Variants in RFTN1 observed in about 807,000 individuals in gnomAD.
RFTN1 encodes the protein raftlin.
In RFTN1, 26 loss-of-function variants were observed where a neutral mutation model predicts 46.5. The ratio of observed to expected loss-of-function variants is 0.56; its 90% confidence interval spans 0.41 to 0.78. The LOEUF (loss-of-function observed/expected upper bound fraction) is 0.78, where lower values mean the gene tolerates loss of function less well. RFTN1 is among the 30% of genes least tolerant of loss of function. The probability of loss-of-function intolerance (pLI) is 0.00; values close to 1 mark genes in which losing one functional copy is unlikely to be tolerated. For synonymous variants in RFTN1, 261 were observed against 284.2 expected (o/e 0.92, Z 0.82); for missense variants, 693 against 718.7 (o/e 0.96, Z 0.41).
At chr3:16,328,077 A>G (rs564501883) in intron 7 of RFTN1, among the ~76,000 whole-genome samples, 60 of 152,370 alleles carry the variant, frequency 3.9e-4, no homozygotes, top group African/African-American at 1.3e-3. Context: ...TGATGGGTGC[A>G]AAGGCACAGC....
Position 16,387,816 on chromosome 3 carries a change from G to T in RFTN1, c.442-9714C>A, listed in dbSNP as rs945608679. On this transcript the variant is annotated intron_variant, in intron 4 of 9. Transcript: ENST00000334133. This position sits in a 1 kb window ranked among gnomAD's most constrained non-coding sequence, Gnocchi z 5.2. ...ACAGCCCTCCTGTCACCTCCATGAC[G>T]CCAAATCCCACAGGCTTTTTAGCCC... 6.6e-6 allele frequency among the ~76,000 whole-genome samples: 1 copy of T among 151,662 alleles called. No homozygotes were observed.
At chr3:16,323,967 G>A (rs917466937) in intron 8 of RFTN1, among the ~76,000 whole-genome samples, 22 of 152,204 alleles carry the variant, frequency 1.4e-4, no homozygotes, top group African/African-American at 5.3e-4. Context: ...CTGCAAGGCA[G>A]TGCCTGTTAA....
Position 16,410,457 on chromosome 3 carries a change from C to A in RFTN1, c.333-974G>T, listed in dbSNP as rs1304781599. Among the ~76,000 whole-genome samples, 1 of 151,914 alleles carries A rather than the reference C, an allele frequency of 6.6e-6. No homozygotes were observed. Among genetic ancestry groups the A allele is most frequent in the Non-Finnish European group, 1.5e-5 (1 of 67,994 alleles). The stretch of plus-strand genomic sequence containing the variant: ...GATCAAAAGTGAATTTAGCCATAAT[C>A]CCTAATTGTTTTCATTTTTAAATGA... On this transcript the variant is annotated intron_variant, in intron 3 of 9. Coordinates refer to ENST00000334133, the MANE Select transcript of RFTN1 (RefSeq NM_015150.2). The surrounding 1 kb of genome is among the most constrained non-coding windows in gnomAD (Gnocchi z 4.6).
Position 16,334,080 on chromosome 3 carries a change from G to A in RFTN1, c.1147-7204C>T, listed in dbSNP as rs1212057512. Among the ~76,000 whole-genome samples the A allele has an allele frequency of 1.3e-5, 2 of 152,164 alleles. No individual in the cohort carries two copies. Among genetic ancestry groups the A allele is most frequent in the African/African-American group, 4.8e-5 (2 of 41,446 alleles). On this transcript the variant is annotated intron_variant, in intron 7 of 9. Coordinates refer to ENST00000334133, the MANE Select transcript of RFTN1 (RefSeq NM_015150.2). This position sits in a 1 kb window ranked among gnomAD's most constrained non-coding sequence, Gnocchi z 4.3. ...CTTGGGAGGCTGAGGCAGGAGAATG[G>A]CTTGAACCTAGGAGGCAGAAGCTGC...
At chr3:16,398,765 A>T (rs901369296) in intron 4 of RFTN1, among the ~76,000 whole-genome samples, 10 of 152,194 alleles carry the variant, frequency 6.6e-5, no homozygotes, top group African/African-American at 2.4e-4. Context: ...GGGTGGCTGG[A>T]AAGTCACCTT....
chr3:16,396,955 C>T (rs690636), intron 4 of RFTN1, among the ~76,000 whole-genome samples: 50,697 of 151,230 alleles, frequency 0.34, 8,876 homozygotes, highest in South Asian at 0.44. Context: ...CCCAGCTACT[C>T]GGGAGGCTGA....
In RFTN1 at chr3:16,513,424, G is replaced by GC. The variant is rs374132947; in HGVS notation, c.-9+17dup. 948 of 151,690 alleles carry GC rather than the reference G, an allele frequency of 6.2e-3. 13 individuals are homozygous for GC. The highest frequency in any genetic ancestry group is 0.019 in the African/African-American group (803 of 41,440). 9.4% of individuals were successfully genotyped at this position (151,690 alleles called of 1,614,324 possible). On this transcript the variant is annotated intron_variant, in intron 1 of 9. Transcript: ENST00000334133. This position sits in a 1 kb window ranked among gnomAD's most constrained non-coding sequence, Gnocchi z 5.4. Reference sequence around the variant, plus strand: ...CGGTCGACACCCCAAGCCCTGTCGCGCCCCCCCCGCCGCCTACCGTATGGG... The same window carrying GC: ...CGGTCGACACCCCAAGCCCTGTCGCGCCCCCCCCCGCCGCCTACCGTATGGG...
At chr3:16,497,102 C>T (rs761105205) in intron 1 of RFTN1, among the ~76,000 whole-genome samples, 11 of 152,124 alleles carry the variant, frequency 7.2e-5, no homozygotes, top group Non-Finnish European at 1.3e-4. Flanking sequence ...GATGAGGGGG[C>T]TTCTAGGGTA....
At chr3:16,430,112 TTTG>T (rs2075356491) in intron 3 of RFTN1, among the ~76,000 whole-genome samples, 1 of 152,118 alleles carries the variant, frequency 6.6e-6, no homozygotes, top group South Asian at 2.1e-4. Context: ...CCGTTTTTTT[TTTG>T]TTGTTGTTGT....
intron 7 of RFTN1, among the ~76,000 whole-genome samples, chr3:16,333,266 G>A (rs1030997866): frequency 6.6e-6 from 1 of 152,232 alleles, no homozygotes; most frequent in East Asian, 1.9e-4. Context: ...CTTGCTTTTA[G>A]TATGAACATT....
At position 16,424,688 on chromosome 3, in the gene RFTN1, A is replaced by G. The variant is rs999104954; in HGVS notation, c.332+9163T>C. On this transcript the variant is annotated intron_variant, in intron 3 of 9. Transcript: ENST00000334133. This position sits in a 1 kb window ranked among gnomAD's most constrained non-coding sequence, Gnocchi z 4.7. ...TTTCATATACTTATAGCATCTTTAT[A>G]GCATTTACCTCTTTGTAAATGGTTC... is the stretch of plus-strand genomic sequence containing the variant. 1.3e-5 allele frequency among the ~76,000 whole-genome samples: 2 copies of G among 152,360 alleles called. No homozygotes were observed. The highest frequency in any genetic ancestry group is 4.8e-5 in the African/African-American group (2 of 41,594).
intron 4 of RFTN1, among the ~76,000 whole-genome samples, chr3:16,394,591 T>A (rs752051173): frequency 2.6e-5 from 4 of 152,288 alleles, no homozygotes; most frequent in Non-Finnish European, 5.9e-5. Context: ...CAGGAAGGGT[T>A]CAGGCTGTTG....
chr3:16,373,857 G>A (rs2073628960), intron 5 of RFTN1, among the ~76,000 whole-genome samples: 1 of 152,166 alleles, frequency 6.6e-6, no homozygotes, highest in Non-Finnish European at 1.5e-5. Flanking sequence ...GGAGGCAGTG[G>A]GCACCATGGT....
In RFTN1 at chr3:16,358,005, G is replaced by A. The variant is rs769491827; in HGVS notation, c.1073C>T (p.Ala358Val). 1 of 1,595,540 alleles carries A rather than the reference G, an allele frequency of 6.3e-7. No individual in the cohort carries two copies. Among genetic ancestry groups the A allele is most frequent in the South Asian group, 1.1e-5 (1 of 90,798 alleles). Residue 358 changes from alanine to valine, a missense_variant, in exon 7 of 10, where the codon GCT (alanine) becomes GTT (valine). Physicochemically the swap from Ala to Val is moderately conservative, Grantham distance 64. Coordinates refer to ENST00000334133, the MANE Select transcript of RFTN1 (RefSeq NM_015150.2). Reference sequence around the variant, plus strand: ...GGTTTTGCTATCTTCTGTGGAAACAGCTTCAAAGATGAATACTCCATCTGT... The same window carrying A: ...GGTTTTGCTATCTTCTGTGGAAACAACTTCAAAGATGAATACTCCATCTGT... ...GLTDGVFIFEAVSTEDSKTIQ... is the reference protein window; with the variant it reads ...GLTDGVFIFEVVSTEDSKTIQ...
intron 7 of RFTN1, among the ~76,000 whole-genome samples, chr3:16,333,911 A>C (rs2070586592): frequency 1.3e-5 from 2 of 152,108 alleles, no homozygotes; most frequent in Non-Finnish European, 2.9e-5. Flanking sequence ...CACGCCTGTA[A>C]TCCCAGCACT....
chr3:16,324,619 C>CCT lies in RFTN1; in HGVS notation c.1251-1163_1251-1162insAG, dbSNP rs1479585637. On this transcript the variant is annotated intron_variant, in intron 8 of 9. Coordinates refer to ENST00000334133, the MANE Select transcript of RFTN1 (RefSeq NM_015150.2). ...AAATAACAGAATGTCCCTGACCCCCCCCCTTTTAAGGTTGCATAGTATTCC... is the reference window on the plus strand; with the variant it reads ...AAATAACAGAATGTCCCTGACCCCCCCTCCCTTTTAAGGTTGCATAGTATTCC... 1.4e-5 allele frequency among the ~76,000 whole-genome samples: 2 copies of CCT among 142,488 alleles called. 1 individual carries two copies. Among genetic ancestry groups the CCT allele is most frequent in the South Asian group, 4.5e-4 (2 of 4,410 alleles). 93.5% of individuals were successfully genotyped at this position (142,488 alleles called of 152,430 possible).
chr3:16,400,510 G>A lies in RFTN1; in HGVS notation c.441+8865C>T, dbSNP rs938737. The stretch of plus-strand genomic sequence containing the variant: ...AGACTCTAAGTTTCACGTGTCCAGG[G>A]CATTACCTAGACCGGCTTACTAAAG... On this transcript the variant is annotated intron_variant, in intron 4 of 9. Transcript: ENST00000334133. This position sits in a 1 kb window ranked among gnomAD's most constrained non-coding sequence, Gnocchi z 4.5. 0.15 allele frequency among the ~76,000 whole-genome samples: 23,523 copies of A among 152,264 alleles called. 2,174 individuals carry two copies. The highest frequency in any genetic ancestry group is 0.25 in the East Asian group (1,306 of 5,188).
intron 4 of RFTN1, among the ~76,000 whole-genome samples, chr3:16,404,313 T>TAATATATAATATATAA: frequency 1.2e-4 from 2 of 16,108 alleles, no homozygotes; most frequent in African/African-American, 7.6e-4. Flanking sequence ...GTAATATATA[T>TAATATATAATATATAA]TATATATAAT....
Position 16,335,532 on chromosome 3 carries a change from G to A in RFTN1, c.1147-8656C>T, listed in dbSNP as rs1036143044. Among the ~76,000 whole-genome samples, 10 of 152,182 alleles carry A rather than the reference G, an allele frequency of 6.6e-5. No homozygotes were observed. The highest frequency in any genetic ancestry group is 1.3e-4 in the Admixed American group (2 of 15,264). On this transcript the variant is annotated intron_variant, in intron 7 of 9. Transcript: ENST00000334133. The surrounding 1 kb of genome is among the most constrained non-coding windows in gnomAD (Gnocchi z 4.7). ...AGGAACAGAAAATCAAACACCACAT[G>A]TTCTCACTTACAAGTGGGAGAGCTG...
Sources: gnomAD v4.1 joint callset for allele counts (sites outside exome capture counted in the v4.1 genomes callset) on GRCh38, gnomAD v4.1.1 for gene constraint, Gnocchi (gnomAD v3.1) non-coding constraint, MANE v1.5 for transcripts, NCBI Gene and HGNC (gene_info 2026-07-23, HGNC 2026-07-21) for gene names.